Variants in PVALB observed in about 807,000 individuals in gnomAD.
PVALB encodes parvalbumin alpha.
PVALB carries 11 observed loss-of-function variants against 10.9 expected under a neutral mutation model. The observed-to-expected ratio is 1.01, with a 90% CI of 0.63 to 1.67. PVALB has a LOEUF of 1.67. Among genes scored for constraint, PVALB ranks in the 40% most tolerant of loss-of-function variants. PVALB has a pLI of 0.00. For missense variants in PVALB, 131 were observed against 136.2 expected, an observed-to-expected ratio of 0.96 and a Z score of 0.19; for synonymous variants, 57 against 50.7, an observed-to-expected ratio of 1.12 and a Z score of -0.53.
chr22:36,802,211 C>T (rs1938876088), intron 3 of PVALB, among the ~76,000 whole-genome samples: 1 of 152,218 alleles, frequency 6.6e-6, no homozygotes, highest in East Asian at 1.9e-4. Context: ...TCTGTACTAT[C>T]ATTTCAATTC....
Position 36,800,771 on chromosome 22 carries a change from G to A in PVALB, c.*119C>T. 9.0e-7 allele frequency: 1 copy of A among 1,115,128 alleles called. No homozygotes were observed. The highest frequency in any genetic ancestry group is 2.4e-5 in the East Asian group (1 of 42,498). 69.1% of individuals were successfully genotyped at this position (1,115,128 alleles called of 1,614,324 possible). On this transcript the variant is annotated 3_prime_UTR_variant, in exon 4 of 4. Transcript: ENST00000417718. ...AATGGTGTCATTAGAGGGCCACAGG[G>A]GATGGGGGAGTAAAAAATAACATAA...
chr22:36,817,983 T>C (rs949680867), upstream of PVALB, among the ~76,000 whole-genome samples: 7 of 151,962 alleles, frequency 4.6e-5, no homozygotes, highest in African/African-American at 1.7e-4. Context: ...GGTCTGAACT[T>C]CACCTCTGGA....
chr22:36,806,587 C>T (rs1476855937), intron 3 of PVALB, among the ~76,000 whole-genome samples: 1 of 152,106 alleles, frequency 6.6e-6, no homozygotes, highest in Non-Finnish European at 1.5e-5. Flanking sequence ...CCTGGTTTAT[C>T]ACCTCACCTC....
At chr22:36,808,980 C>T (rs1243731573) in intron 3 of PVALB, among the ~76,000 whole-genome samples, 1 of 152,170 alleles carries the variant, frequency 6.6e-6, no homozygotes, top group East Asian at 1.9e-4. Context: ...GAAGTAGTTG[C>T]CCCAGAGACG....
At chr22:36,816,670 C>T (rs1034513073) in intron 1 of PVALB, among the ~76,000 whole-genome samples, 7 of 152,242 alleles carry the variant, frequency 4.6e-5, no homozygotes, top group African/African-American at 1.4e-4. Context: ...TGGTCCCGGA[C>T]CCTGAGTCCT....
Position 36,811,355 on chromosome 22 carries a change from A to C in PVALB, c.304+2291T>G, listed in dbSNP as rs1939043738. The C allele has an allele frequency of 8.4e-6, 3 of 359,038 alleles. No individual in the cohort carries two copies. The Admixed American group carries it at 9.9e-5, about 12-fold the overall frequency. 22.2% of individuals were successfully genotyped at this position (359,038 alleles called of 1,614,324 possible). ...ATTGAGCATTTGTTATGTGCTGGGC[A>C]CTACAGGCCACATTTCCATGTTATA... On this transcript the variant is annotated intron_variant, in intron 3 of 3. Coordinates refer to ENST00000417718, the MANE Select transcript of PVALB (RefSeq NM_001315532.2).
intron 3 of PVALB, among the ~76,000 whole-genome samples, chr22:36,807,552 G>A (rs1180715278): frequency 5.3e-5 from 8 of 152,138 alleles, no homozygotes; most frequent in Admixed American, 3.9e-4. Flanking sequence ...ACTTTTAAAA[G>A]GTTTTGGGTG....
chr22:36,808,593 A>G (rs973453759), intron 3 of PVALB, among the ~76,000 whole-genome samples: 1 of 152,214 alleles, frequency 6.6e-6, no homozygotes, highest in African/African-American at 2.4e-5. Context: ...CATTAGCACC[A>G]TCTGCTAACT....
Position 36,800,900 on chromosome 22 carries a change from G to A in PVALB, c.323C>T (p.Ala108Val), listed in dbSNP as rs1938852891. The change falls in exon 4 of 4, where the codon GCT (alanine) becomes GTT (valine). Residue 108 changes from alanine (A) to valine (V), a missense_variant. Physicochemically the swap from Ala to Val is moderately conservative, Grantham distance 64. Transcript: ENST00000417718. ...GGCAGTCAGTGCTTCTTAGCTTTCA[G>A]CCACCAGAGTGGAGAATTCTGCAGA... ...IGVDEFSTLV[A>V]ES 2 of 1,611,442 alleles carry A rather than the reference G, an allele frequency of 1.2e-6. No individual in the cohort carries two copies. Among genetic ancestry groups the A allele is most frequent in the Admixed American group, 3.3e-5 (2 of 59,978 alleles).
At chr22:36,812,078 C>A (rs1416542471) in intron 3 of PVALB, among the ~76,000 whole-genome samples, 3 of 152,206 alleles carry the variant, frequency 2.0e-5, no homozygotes, top group African/African-American at 7.2e-5. Context: ...CTTTCATAAT[C>A]CTTGTACCTT....
intron 2 of PVALB, among the ~76,000 whole-genome samples, chr22:36,814,413 C>T (rs1329809329): frequency 6.6e-6 from 1 of 151,978 alleles, no homozygotes; most frequent in Non-Finnish European, 1.5e-5. Context: ...GTGGGGAAGT[C>T]CCTACTTGAA....
At chr22:36,813,231 G>C (rs1297739390) in intron 3 of PVALB, among the ~76,000 whole-genome samples, 1 of 152,150 alleles carries the variant, frequency 6.6e-6, no homozygotes, top group East Asian at 1.9e-4. Context: ...AGGATCCTTG[G>C]GGATTAGTCG....
At chr22:36,812,606 G>C (rs967029036) in intron 3 of PVALB, among the ~76,000 whole-genome samples, 1 of 152,212 alleles carries the variant, frequency 6.6e-6, no homozygotes, top group Non-Finnish European at 1.5e-5. Flanking sequence ...GAGGCTCAGA[G>C]TAGTTATCAA....
chr22:36,819,227 T>A (rs551525679), upstream of PVALB, among the ~76,000 whole-genome samples: 127 of 151,242 alleles, frequency 8.4e-4, no homozygotes, highest in Non-Finnish European at 1.6e-3. Flanking sequence ...GTGGGGGGAG[T>A]TTGCCCCAGG....
At chr22:36,817,125 TG>T, upstream of PVALB, 2 of 918,106 alleles carry the variant, frequency 2.2e-6, no homozygotes, top group Non-Finnish European at 3.1e-6. Flanking sequence ...CCGCCGGGCC[TG>T]GCATGGCGCC....
chr22:36,812,532 C>A (rs1939062174), intron 3 of PVALB, among the ~76,000 whole-genome samples: 1 of 152,344 alleles, frequency 6.6e-6, no homozygotes, highest in Admixed American at 6.5e-5. Context: ...CATATTAACA[C>A]ATCTAACCCT....
chr22:36,809,309 G>A (rs928929729), intron 3 of PVALB, among the ~76,000 whole-genome samples: 1 of 152,044 alleles, frequency 6.6e-6, no homozygotes, highest in African/African-American at 2.4e-5. Context: ...TCCCACTATG[G>A]GCCAGGCCCT....
At chr22:36,817,185 C>A (rs996191454), upstream of PVALB, 10 of 459,478 alleles carry the variant, frequency 2.2e-5, no homozygotes, top group African/African-American at 6.2e-5. Context: ...CCAGCCGCGC[C>A]GCTGAGCAGC....
At chr22:36,807,424 C>T (rs1270207375) in intron 3 of PVALB, among the ~76,000 whole-genome samples, 1 of 152,236 alleles carries the variant, frequency 6.6e-6, no homozygotes, top group Non-Finnish European at 1.5e-5. Context: ...GAAATCAAAT[C>T]CCCATAGAGG....
Sources: gnomAD v4.1 joint callset for allele counts (sites outside exome capture counted in the v4.1 genomes callset) on GRCh38, gnomAD v4.1.1 for gene constraint, MANE v1.5 for transcripts, NCBI Gene and HGNC (gene_info 2026-07-23, HGNC 2026-07-21) for gene names.